Variants in PAFAH1B2 observed in about 807,000 individuals in gnomAD.
The protein encoded by PAFAH1B2 is platelet-activating factor acetylhydrolase IB subunit alpha2.
A neutral mutation model predicts 28.0 loss-of-function variants in PAFAH1B2; 8 were observed. The ratio of observed to expected loss-of-function variants is 0.29; its 90% confidence interval spans 0.17 to 0.52. The LOEUF (loss-of-function observed/expected upper bound fraction) is 0.52, where lower values mean the gene tolerates loss of function less well. PAFAH1B2 is among the 20% of genes least tolerant of loss of function. PAFAH1B2 has a pLI of 0.97. For synonymous variants in PAFAH1B2, 104 were observed against 103.2 expected (o/e 1.01, Z -0.05); for missense variants, 190 against 282.6 (o/e 0.67, Z 2.35).
intron 5 of PAFAH1B2, among the ~76,000 whole-genome samples, chr11:117,166,176 T>C (rs553172577): frequency 6.6e-6 from 1 of 152,332 alleles, no homozygotes; most frequent in African/African-American, 2.4e-5. Flanking sequence ...TGTTGGGATG[T>C]TTGGATTTTA....
intron 4 of PAFAH1B2, 65 bp from the exon 5 acceptor site, chr11:117,163,705 T>C (rs554381783): frequency 9.7e-4 from 1,424 of 1,474,924 alleles, no homozygotes; most frequent in Non-Finnish European, 1.1e-3. Flanking sequence ...TTCATCTAAA[T>C]GTTGGACGTT....
At position 117,146,839 on chromosome 11, in the gene PAFAH1B2, G is replaced by GA. The variant is rs34339279; in HGVS notation, c.-8+2437dup. ...AATATGGTGAGATCCCCATCTATTG[G>GA]AAAAAAAAAAAAAAAAGGTCAGGCA... On this transcript the variant is annotated intron_variant, in intron 1 of 5. Transcript: ENST00000527958. Among the ~76,000 whole-genome samples the GA allele has an allele frequency of 4.6e-3, 191 of 41,622 alleles. 1 individual carries two copies. The highest frequency in any genetic ancestry group is 0.024 in the Middle Eastern group (2 of 82). The allele number at this position is 41,622 out of a possible 152,430, so 27.3% of individuals were successfully genotyped here.
At chr11:117,157,061 T>G (rs1956270465) in intron 2 of PAFAH1B2, among the ~76,000 whole-genome samples, 1 of 151,290 alleles carries the variant, frequency 6.6e-6, no homozygotes, top group Non-Finnish European at 1.5e-5. Flanking sequence ...GAAAGGTAGT[T>G]GGTACTACAG....
At chr11:117,149,033 A>ATTTTTTTTTTTTTTTTTTTTT (rs71037462) in intron 1 of PAFAH1B2, among the ~76,000 whole-genome samples, 4 of 118,626 alleles carry the variant, frequency 3.4e-5, no homozygotes, top group Non-Finnish European at 3.5e-5. Flanking sequence ...ACACCTGCCA[A>ATTTTTTTTTTTTTTTTTTTTT]TTTTTTTTTT....
chr11:117,155,459 G>T lies in PAFAH1B2; in HGVS notation c.81+2931G>T, dbSNP rs1314748564. On this transcript the variant is annotated intron_variant, in intron 2 of 5. Transcript: ENST00000527958. ...AATATATAAGTATTTCAGTAGACATGATAGGAAGTGTAACTTTGTTTCCAA... is the reference window on the plus strand; with the variant it reads ...AATATATAAGTATTTCAGTAGACATTATAGGAAGTGTAACTTTGTTTCCAA... 2.0e-5 allele frequency among the ~76,000 whole-genome samples: 3 copies of T among 152,168 alleles called. No homozygotes were observed. The East Asian group carries it at 5.8e-4, about 29-fold the overall frequency.
At position 117,170,580 on chromosome 11, in the gene PAFAH1B2, CA is replaced by C; in HGVS notation, c.*2884del. 1.0e-6 allele frequency: 1 copy of C among 993,780 alleles called. No individual in the cohort carries two copies. The highest frequency in any genetic ancestry group is 1.2e-6 in the Non-Finnish European group (1 of 842,224). 61.6% of individuals were successfully genotyped at this position (993,780 alleles called of 1,614,324 possible). On this transcript the variant is annotated 3_prime_UTR_variant, in exon 6 of 6. Transcript: ENST00000527958. ...TGTCAGAAACCTTAACCCAACAAAA[CA>C]AATCTTGAGTAGCTCATGCCCGGCT...
At chr11:117,146,667 A>G (rs781143033) in intron 1 of PAFAH1B2, among the ~76,000 whole-genome samples, 2 of 152,040 alleles carry the variant, frequency 1.3e-5, no homozygotes, top group Non-Finnish European at 2.9e-5. Context: ...CACTCCAGCT[A>G]ACGACTGACT....
At chr11:117,153,586 C>G (rs7950633) in intron 2 of PAFAH1B2, among the ~76,000 whole-genome samples, 1 of 152,052 alleles carries the variant, frequency 6.6e-6, no homozygotes. Context: ...AGACAGGGTT[C>G]TGCCATGTTG....
At chr11:117,176,189 A>G (rs1196601005) in exon 6 of PAFAH1B2, 1 of 491,282 alleles carries the variant, frequency 2.0e-6, no homozygotes, top group Middle Eastern at 4.9e-4. Context: ...GGCCAAGGAA[A>G]CCCATAAGGT....
At chr11:117,175,937 A>G (rs999317270), downstream of PAFAH1B2, 83 of 1,535,246 alleles carry the variant, frequency 5.4e-5, no homozygotes, top group African/African-American at 1.0e-3. Context: ...CAGGATTACC[A>G]TGAAAGAAAA....
Position 117,149,974 on chromosome 11 carries a change from G to A in PAFAH1B2, c.-7-2467G>A, listed in dbSNP as rs111395486. The stretch of plus-strand genomic sequence containing the variant: ...TAGCTGGGTGTGGCGGTGCATGCCT[G>A]TAGTCCTGGCTACAGGCCAGGACTT... On this transcript the variant is annotated intron_variant, in intron 1 of 5. Transcript: ENST00000527958. Among the ~76,000 whole-genome samples the A allele has an allele frequency of 8.4e-4, 128 of 152,042 alleles. No homozygotes were observed. In the Middle Eastern group the frequency reaches 0.017, roughly 20 times the overall value.
rs536440284 is a variant in PAFAH1B2, at chr11:117,170,512, G to T, written c.*2813G>T. On this transcript the variant is annotated 3_prime_UTR_variant, in exon 6 of 6. Coordinates refer to ENST00000527958, the MANE Select transcript of PAFAH1B2 (RefSeq NM_002572.4). ...ACAGCGCTCTGGCTACCACCGTGAGGCTACTTGAACTGTCAGGGGCATCTG... is the reference window on the plus strand; with the variant it reads ...ACAGCGCTCTGGCTACCACCGTGAGTCTACTTGAACTGTCAGGGGCATCTG... The T allele has an allele frequency of 1.9e-6, 2 of 1,059,066 alleles. No individual in the cohort carries two copies. Among genetic ancestry groups the T allele is most frequent in the South Asian group, 9.2e-5 (2 of 21,820 alleles). 65.6% of individuals were successfully genotyped at this position (1,059,066 alleles called of 1,614,324 possible). A position where few individuals can be genotyped will look rare whatever the true frequency, so the allele number is the denominator to read the frequency against.
At chr11:117,154,482 A>G (rs1351429506) in intron 2 of PAFAH1B2, among the ~76,000 whole-genome samples, 1 of 152,018 alleles carries the variant, frequency 6.6e-6, no homozygotes, top group African/African-American at 2.4e-5. Flanking sequence ...CAGTGGCACC[A>G]TTACAGCTTG....
chr11:117,172,377 TATATATATATATATATATATATATA>T (rs1956678328), downstream of PAFAH1B2, among the ~76,000 whole-genome samples: 12 of 2,510 alleles, frequency 4.8e-3, no homozygotes, highest in Admixed American at 0.013. Flanking sequence ...TATATATATA[TATATATATATATATATATATATATA>T]TATTTTTTTT....
At chr11:117,165,007 G>C (rs1157927873) in intron 5 of PAFAH1B2, among the ~76,000 whole-genome samples, 2 of 145,490 alleles carry the variant, frequency 1.4e-5, no homozygotes, top group African/African-American at 5.0e-5. Flanking sequence ...CTAGGCTGGA[G>C]TGCAGTGGCA....
chr11:117,172,373 TA>T (rs1956674931), downstream of PAFAH1B2, among the ~76,000 whole-genome samples: 11 of 5,026 alleles, frequency 2.2e-3, no homozygotes, highest in African/African-American at 4.6e-3. Flanking sequence ...TATATATATA[TA>T]TATATATATA....
chr11:117,164,073 G>T, intron 5 of PAFAH1B2, 181 bp downstream of exon 5: 1 of 577,270 alleles, frequency 1.7e-6, no homozygotes, highest in Non-Finnish European at 3.0e-6. Context: ...CCCCATACCA[G>T]CTGTGGGGCC....
chr11:117,168,200 A>G lies in PAFAH1B2; in HGVS notation c.*501A>G, dbSNP rs1290356868. On this transcript the variant is annotated 3_prime_UTR_variant, in exon 6 of 6. Coordinates refer to ENST00000527958, the MANE Select transcript of PAFAH1B2 (RefSeq NM_002572.4). The stretch of plus-strand genomic sequence containing the variant: ...ACTGAATATTTTATTAACATGTAGC[A>G]TCAGGTTGAACATGCTTGTCATTGA... 4.8e-6 allele frequency: 5 copies of G among 1,050,416 alleles called. No homozygotes were observed. The highest frequency in any genetic ancestry group is 5.8e-6 in the Non-Finnish European group (5 of 867,278). The allele number at this position is 1,050,416 out of a possible 1,614,324, so 65.1% of individuals were successfully genotyped here.
Position 117,170,550 on chromosome 11 carries a change from T to A in PAFAH1B2, c.*2851T>A. Reference sequence around the variant, plus strand: ...TCAGGGGCATCTGCCTAAACCAGAATCTTTTGTCAGAAACCTTAACCCAAC... The same window carrying A: ...TCAGGGGCATCTGCCTAAACCAGAAACTTTTGTCAGAAACCTTAACCCAAC... On this transcript the variant is annotated 3_prime_UTR_variant, in exon 6 of 6. Transcript: ENST00000527958. The A allele has an allele frequency of 1.9e-6, 2 of 1,051,924 alleles. No individual in the cohort carries two copies. Among genetic ancestry groups the A allele is most frequent in the Non-Finnish European group, 2.3e-6 (2 of 872,846 alleles). 65.2% of individuals were successfully genotyped at this position (1,051,924 alleles called of 1,614,324 possible).
Sources: gnomAD v4.1 joint callset for allele counts (sites outside exome capture counted in the v4.1 genomes callset) on GRCh38, gnomAD v4.1.1 for gene constraint, MANE v1.5 for transcripts, NCBI Gene and HGNC (gene_info 2026-07-23, HGNC 2026-07-21) for gene names.